The following DIPK2B variants were observed in gnomAD, a reference collection of about 807,000 sequenced individuals.
DIPK2B encodes UPF0672 protein CXorf36.
A neutral mutation model predicts 22.2 loss-of-function variants in DIPK2B; 15 were observed. The observed-to-expected ratio is 0.68, with a 90% CI of 0.45 to 1.04. The LOEUF (loss-of-function observed/expected upper bound fraction) is 1.04. Among genes scored for constraint, DIPK2B ranks in the 50% least tolerant of loss-of-function variants. The pLI, the probability that DIPK2B is intolerant of heterozygous loss-of-function variation, is 0.00. For missense variants in DIPK2B, 345 were observed against 348.3 expected, an observed-to-expected ratio of 0.99 and a Z score of 0.08; for synonymous variants, 163 against 153.2, an observed-to-expected ratio of 1.06 and a Z score of -0.47.
In DIPK2B at chrX:45,157,730, G is replaced by A. The variant is rs754523941; in HGVS notation, c.657C>T (p.His219=). The A allele has an allele frequency of 6.7e-6, 8 of 1,193,963 alleles. No individual in the cohort carries two copies. The highest frequency in any genetic ancestry group is 9.0e-6 in the Non-Finnish European group (8 of 887,443). ...CGCTGCATACCTGTAGGAGGATGGG[G>A]TGCGAGTTGACAGCCAGCGTGTAGA... The part of the protein sequence containing the change: ...RLLYTLAVNS[H]PILLQIFPGA... The change falls in exon 3 of 5, where the codon CAC becomes CAT. Residue 219 remains histidine, a synonymous_variant. Coordinates refer to ENST00000398000, the MANE Select transcript of DIPK2B (RefSeq NM_176819.4).
chrX:45,166,276 G>A (rs946696784), intron 2 of DIPK2B, among the ~76,000 whole-genome samples: 19 of 111,275 alleles, frequency 1.7e-4, no homozygotes, highest in East Asian at 8.5e-4. Flanking sequence ...AAAAGCTTCC[G>A]TGCCAAGTAC....
At position 45,157,897 on chromosome X, in the gene DIPK2B, A is replaced by G; in HGVS notation, c.499-9T>C. 1.0e-6 allele frequency: 1 copy of G among 991,271 alleles called. No individual in the cohort carries two copies. Among genetic ancestry groups the G allele is most frequent in the Non-Finnish European group, 1.3e-6 (1 of 763,910 alleles). The allele number at this position is 991,271 out of a possible 1,213,427, so 81.7% of individuals were successfully genotyped here. A position where few individuals can be genotyped will look rare whatever the true frequency, so the allele number is the denominator to read the frequency against. ...AGCGGGCTGGCCAGGCCCTACGCGC[A>G]GGTGGGAGAGAGGCGGGAGAAGAAG... On this transcript the variant is annotated splice_polypyrimidine_tract_variant and intron_variant, in intron 2 of 4. Transcript: ENST00000398000.
chrX:45,167,328 A>C (rs2047053997), intron 2 of DIPK2B, among the ~76,000 whole-genome samples: 1 of 109,282 alleles, frequency 9.2e-6, no homozygotes, highest in African/African-American at 3.3e-5. Context: ...ATGTGTCTAC[A>C]AAAAAATGAA....
Position 45,200,790 on chromosome X carries a change from G to T in DIPK2B, c.37C>A (p.Arg13Ser), listed in dbSNP as rs1340643598. 8.3e-7 allele frequency: 1 copy of T among 1,202,167 alleles called. No homozygotes were observed. The highest frequency in any genetic ancestry group is 3.0e-5 in the East Asian group (1 of 33,436). The stretch of plus-strand genomic sequence containing the variant: ...AGCAGCAGGGCCAGCCAGCCAGGGC[G>T]GAGGGCGGCAGCCTCAGGCCCCAGC... Reference protein sequence around the residue: ...PQLGPEAAALRPGWLALLLWV... With the variant: ...PQLGPEAAALSPGWLALLLWV... Residue 13 changes from arginine (R) to serine (S), a missense_variant, in exon 1 of 5, where the codon CGC becomes AGC. Coordinates refer to ENST00000398000, the MANE Select transcript of DIPK2B (RefSeq NM_176819.4).
chrX:45,172,468 T>C (rs1053329164), intron 2 of DIPK2B, among the ~76,000 whole-genome samples: 2 of 111,759 alleles, frequency 1.8e-5, no homozygotes, highest in Admixed American at 1.9e-4. Flanking sequence ...TGGCCTCCTC[T>C]TCCATTGGGT....
intron 2 of DIPK2B, among the ~76,000 whole-genome samples, chrX:45,167,256 C>T (rs996765090): frequency 1.8e-5 from 2 of 110,329 alleles, no homozygotes; most frequent in African/African-American, 6.6e-5. Flanking sequence ...TTTGGGAGGC[C>T]GAGGTGGGAG....
chrX:45,160,426 T>C (rs1045992912), intron 2 of DIPK2B, among the ~76,000 whole-genome samples: 3 of 110,849 alleles, frequency 2.7e-5, no homozygotes, highest in African/African-American at 9.9e-5. Context: ...GCCAGACTGG[T>C]TTTGAACTCC....
At chrX:45,188,079 C>A (rs934595209) in intron 2 of DIPK2B, among the ~76,000 whole-genome samples, 1 of 111,874 alleles carries the variant, frequency 8.9e-6, no homozygotes, top group African/African-American at 3.3e-5. Context: ...AATCTCCCAA[C>A]CACGCATCCT....
intron 2 of DIPK2B, among the ~76,000 whole-genome samples, chrX:45,169,455 A>G (rs2047067376): frequency 9.0e-6 from 1 of 111,678 alleles, no homozygotes; most frequent in Admixed American, 9.5e-5. Flanking sequence ...CAGTGTCATC[A>G]TTGTGACCTG....
At chrX:45,200,117 T>C (rs921044116) in intron 1 of DIPK2B, among the ~76,000 whole-genome samples, 2 of 111,806 alleles carry the variant, frequency 1.8e-5, no homozygotes, top group Non-Finnish European at 1.9e-5. Flanking sequence ...GTAAGATACA[T>C]ATATATAGTG....
At chrX:45,160,616 T>C (rs893300149) in intron 2 of DIPK2B, among the ~76,000 whole-genome samples, 1 of 111,829 alleles carries the variant, frequency 8.9e-6, no homozygotes, top group African/African-American at 3.3e-5. Flanking sequence ...GAGTATTTTA[T>C]GCAGAGGGAA....
At chrX:45,153,102 G>A (rs896666230) in intron 4 of DIPK2B, among the ~76,000 whole-genome samples, 1 of 111,760 alleles carries the variant, frequency 8.9e-6, no homozygotes, top group Non-Finnish European at 1.9e-5. Context: ...TTTTAATAAA[G>A]GCAAATCAGG....
chrX:45,187,477 CACA>C (rs2047190063), intron 2 of DIPK2B, among the ~76,000 whole-genome samples: 1 of 102,564 alleles, frequency 9.8e-6, no homozygotes, highest in South Asian at 4.1e-4. Flanking sequence ...CGCACACACA[CACA>C]CACACACACA....
intron 4 of DIPK2B, among the ~76,000 whole-genome samples, chrX:45,153,654 T>C (rs1338457649): frequency 9.0e-6 from 1 of 110,705 alleles, no homozygotes; most frequent in African/African-American, 3.3e-5. Context: ...CAGCTGGGGC[T>C]GTGCCACTAT....
rs1254850654 is a variant in DIPK2B, at chrX:45,150,327, A to G, written c.*1325T>C. 1 of 112,315 alleles carries G rather than the reference A, an allele frequency of 8.9e-6. No individual in the cohort carries two copies. Among genetic ancestry groups the G allele is most frequent in the Non-Finnish European group, 1.9e-5 (1 of 53,296 alleles). 9.3% of individuals were successfully genotyped at this position (112,315 alleles called of 1,213,427 possible). ...TTCAGGGGCCAGGGCAAGAGTGTAC[A>G]TGGAAGCCTACATACCATGTGGCTA... On this transcript the variant is annotated 3_prime_UTR_variant, in exon 5 of 5. Transcript: ENST00000398000.
At chrX:45,164,296 T>C in intron 2 of DIPK2B, 2 of 1,168,825 alleles carry the variant, frequency 1.7e-6, no homozygotes, top group Non-Finnish European at 1.2e-6. Flanking sequence ...AAAAGATTTG[T>C]GGAAAATGTG....
At chrX:45,161,899 T>C (rs1419318381) in intron 2 of DIPK2B, among the ~76,000 whole-genome samples, 1 of 111,735 alleles carries the variant, frequency 8.9e-6, no homozygotes, top group African/African-American at 3.3e-5. Context: ...AGGGATAGAG[T>C]CTCATTTCCC....
intron 2 of DIPK2B, among the ~76,000 whole-genome samples, chrX:45,189,772 A>G (rs2047201809): frequency 8.9e-6 from 1 of 111,821 alleles, no homozygotes; most frequent in African/African-American, 3.3e-5. Context: ...GATGGTGCCA[A>G]AATAAGATAG....
chrX:45,184,692 C>T (rs1004375346), intron 2 of DIPK2B, among the ~76,000 whole-genome samples: 5 of 111,708 alleles, frequency 4.5e-5, no homozygotes, highest in African/African-American at 1.3e-4. Context: ...AATTAATATG[C>T]GTTTTTAATA....
Sources: gnomAD v4.1 joint callset for allele counts (sites outside exome capture counted in the v4.1 genomes callset) on GRCh38, gnomAD v4.1.1 for gene constraint, MANE v1.5 for transcripts, NCBI Gene and HGNC (gene_info 2026-07-23, HGNC 2026-07-21) for gene names.